The following VAC14 variants were observed in gnomAD, a reference collection of about 807,000 sequenced individuals.
The protein encoded by VAC14 is protein VAC14 homolog.
Under a neutral mutation model 85.3 loss-of-function variants are expected in VAC14, and 47 were observed. That is an observed-to-expected ratio of 0.55 (90% CI 0.44 to 0.70). The LOEUF is 0.70. VAC14 is among the 30% of genes least tolerant of loss of function. VAC14 has a pLI of 0.00. For missense variants in VAC14, 861 were observed against 1,004.3 expected, an observed-to-expected ratio of 0.86 and a Z score of 1.93; for synonymous variants, 447 against 430.5, an observed-to-expected ratio of 1.04 and a Z score of -0.47.
At chr16:70,714,266 C>T (rs941352650) in intron 14 of VAC14, 1 of 152,210 alleles carries the variant, frequency 6.6e-6, no homozygotes, top group Non-Finnish European at 1.5e-5. Context: ...CCCTGAGGAT[C>T]CCCACAGGGG....
chr16:70,696,229 C>G (rs1045033926), intron 16 of VAC14, among the ~76,000 whole-genome samples: 1 of 152,190 alleles, frequency 6.6e-6, no homozygotes, highest in Non-Finnish European at 1.5e-5. Flanking sequence ...TAAAAAAAAT[C>G]TGGCCAGGCG....
At chr16:70,750,367 G>C (rs1224231470) in intron 12 of VAC14, among the ~76,000 whole-genome samples, 3 of 152,124 alleles carry the variant, frequency 2.0e-5, no homozygotes, top group African/African-American at 7.2e-5. Context: ...AGAAAGAAGG[G>C]AGGAAAGAGA....
rs999667997 is a variant in VAC14, at chr16:70,733,662, G to A, written c.1529-2035C>T. Among the ~76,000 whole-genome samples the A allele has an allele frequency of 2.6e-5, 4 of 152,016 alleles. No individual in the cohort carries two copies. The East Asian group carries it at 7.7e-4, about 29-fold the overall frequency. On this transcript the variant is annotated intron_variant, in intron 13 of 18. Transcript: ENST00000261776. Reference sequence around the variant, plus strand: ...CTCTTACTCTCTTGCTCCTGCTTTGGCCTCCTCTGCCTGCTGCCCCTTTGC... The same window carrying A: ...CTCTTACTCTCTTGCTCCTGCTTTGACCTCCTCTGCCTGCTGCCCCTTTGC...
chr16:70,799,519 T>G (rs1047692715), intron 1 of VAC14, among the ~76,000 whole-genome samples: 12 of 152,210 alleles, frequency 7.9e-5, no homozygotes, highest in Non-Finnish European at 1.2e-4. Flanking sequence ...AAGCAGCAGT[T>G]GTCAACCGGG....
At chr16:70,690,055 G>A in intron 18 of VAC14, 2 of 985,472 alleles carry the variant, frequency 2.0e-6, no homozygotes, top group Non-Finnish European at 2.4e-6. Context: ...CCTTAGGTTA[G>A]GGGAGCTTAG....
At chr16:70,799,453 G>A (rs778632771) in intron 1 of VAC14, among the ~76,000 whole-genome samples, 3 of 152,166 alleles carry the variant, frequency 2.0e-5, no homozygotes, top group South Asian at 2.1e-4. Context: ...ATCAAGGTCC[G>A]AACCCTTTAG....
Position 70,731,644 on chromosome 16 carries a change from A to C in VAC14, c.1529-17T>G, listed in dbSNP as rs781259852. 1.9e-6 allele frequency: 3 copies of C among 1,612,966 alleles called. No individual in the cohort carries two copies. In the African/African-American group the frequency reaches 4.0e-5, roughly 22 times the overall value. Reference sequence around the variant, plus strand: ...CTTTGGTACCTGTAGAGAAAGGGATAGAGCCAGCATTTATTCTGATTATGT... The same window carrying C: ...CTTTGGTACCTGTAGAGAAAGGGATCGAGCCAGCATTTATTCTGATTATGT... On this transcript the variant is annotated splice_polypyrimidine_tract_variant and intron_variant, in intron 13 of 18. Transcript: ENST00000261776.
chr16:70,776,654 T>G (rs1000586060), intron 9 of VAC14, among the ~76,000 whole-genome samples: 8 of 152,194 alleles, frequency 5.3e-5, no homozygotes, highest in Non-Finnish European at 8.8e-5. Flanking sequence ...GGACTTAAAT[T>G]CCTGGGCTCA....
intron 14 of VAC14, among the ~76,000 whole-genome samples, chr16:70,727,173 C>T (rs993594123): frequency 2.9e-4 from 44 of 152,292 alleles, no homozygotes; most frequent in African/African-American, 9.9e-4. Context: ...AGAAGAATCT[C>T]TTTCCTTTCT....
chr16:70,703,456 T>G (rs750467111), intron 14 of VAC14, among the ~76,000 whole-genome samples: 5 of 151,868 alleles, frequency 3.3e-5, no homozygotes, highest in Non-Finnish European at 5.9e-5. Flanking sequence ...TAAGGGGGCC[T>G]CTGGTATATC....
intron 5 of VAC14, 146 bp from the exon 6 acceptor site, chr16:70,783,700 G>T: frequency 1.3e-6 from 1 of 768,658 alleles, no homozygotes; most frequent in Non-Finnish European, 2.1e-6. Context: ...GGAGGAGGGT[G>T]CTGGCAAGGA....
intron 9 of VAC14, among the ~76,000 whole-genome samples, chr16:70,777,433 A>G (rs1021258750): frequency 1.3e-5 from 2 of 152,262 alleles, no homozygotes; most frequent in Non-Finnish European, 2.9e-5. Flanking sequence ...GGGAACAGAT[A>G]TAAAGTCAGC....
chr16:70,738,281 G>A (rs570121695), intron 13 of VAC14, among the ~76,000 whole-genome samples: 5 of 152,294 alleles, frequency 3.3e-5, no homozygotes, highest in East Asian at 1.9e-4. Flanking sequence ...GACAAAGGCC[G>A]CCGCAATGGC....
At chr16:70,689,717 G>A in intron 18 of VAC14, 1 of 985,602 alleles carries the variant, frequency 1.0e-6, no homozygotes, top group Non-Finnish European at 1.2e-6. Context: ...GCTGACTTTA[G>A]TTCAACAAAG....
intron 14 of VAC14, among the ~76,000 whole-genome samples, chr16:70,711,880 C>CATGTG (rs2054041911): frequency 6.6e-6 from 1 of 152,190 alleles, no homozygotes; most frequent in African/African-American, 2.4e-5. Context: ...GAATACTCAC[C>CATGTG]AGTGGTAACA....
At chr16:70,706,387 T>C (rs767557251) in intron 14 of VAC14, among the ~76,000 whole-genome samples, 1 of 152,248 alleles carries the variant, frequency 6.6e-6, no homozygotes, top group Non-Finnish European at 1.5e-5. Context: ...AGGCTTCAGG[T>C]GCCTGCTGAG....
intron 13 of VAC14, among the ~76,000 whole-genome samples, chr16:70,732,644 T>A: frequency 7.2e-6 from 1 of 139,580 alleles, no homozygotes; most frequent in Admixed American, 7.0e-5. Context: ...AGGCAGGAAT[T>A]TTTTTTTTTT....
intron 14 of VAC14, among the ~76,000 whole-genome samples, chr16:70,711,295 C>T (rs776187177): frequency 6.6e-6 from 1 of 152,188 alleles, no homozygotes; most frequent in Non-Finnish European, 1.5e-5. Context: ...CAGGCATGGC[C>T]ATGCCCTCCT....
At chr16:70,761,477 G>A in intron 12 of VAC14, among the ~76,000 whole-genome samples, 1 of 152,252 alleles carries the variant, frequency 6.6e-6, no homozygotes, top group East Asian at 1.9e-4. Context: ...TGGAGGGATG[G>A]GATGCTGCCG....
Sources: gnomAD v4.1 joint callset for allele counts (sites outside exome capture counted in the v4.1 genomes callset) on GRCh38, gnomAD v4.1.1 for gene constraint, MANE v1.5 for transcripts, NCBI Gene and HGNC (gene_info 2026-07-23, HGNC 2026-07-21) for gene names.